Variants in CENPP observed in about 807,000 individuals in gnomAD.
CENPP encodes centromere protein P.
In CENPP, 24 loss-of-function variants were observed where a neutral mutation model predicts 35.6. That is an observed-to-expected ratio of 0.67 (90% CI 0.49 to 0.95). The LOEUF (loss-of-function observed/expected upper bound fraction) is 0.95. Among genes scored for constraint, CENPP ranks in the 40% least tolerant of loss-of-function variants. CENPP has a pLI of 0.00. For synonymous variants in CENPP, 120 were observed against 125.5 expected (o/e 0.96, Z 0.29); for missense variants, 332 against 345.3 (o/e 0.96, Z 0.31).
In CENPP at chr9:92,519,687, ACC is replaced by A. The variant is rs386736315; in HGVS notation, c.565-91626_565-91625del. 2.3e-3 allele frequency among the ~76,000 whole-genome samples: 352 copies of A among 152,314 alleles called. 1 individual carries two copies. Among genetic ancestry groups the A allele is most frequent in the African/African-American group, 8.1e-3 (337 of 41,564 alleles). On this transcript the variant is annotated intron_variant, in intron 5 of 7. Transcript: ENST00000375587. ...AAGACCTAATATATCTTATATTTAG[ACC>A]TTTGCTGTAAATATAAGAGCTAAGA...
intron 5 of CENPP, chr9:92,500,679 T>C (rs751594328): frequency 1.3e-6 from 2 of 1,543,146 alleles, no homozygotes; most frequent in Admixed American, 1.8e-5. Context: ...TTATCATATA[T>C]TTTGCCAACC....
At position 92,402,925 on chromosome 9, in the gene CENPP, G is replaced by A. The variant is rs572663199; in HGVS notation, c.564+23066G>A. On this transcript the variant is annotated intron_variant, in intron 5 of 7. Coordinates refer to ENST00000375587, the MANE Select transcript of CENPP (RefSeq NM_001012267.3). ...AGGCAACACAACATTGCAAGTATAG[G>A]GCATTGTGTAACATTACTTAATATA... Among the ~76,000 whole-genome samples the A allele has an allele frequency of 2.1e-3, 322 of 152,158 alleles. 1 individual carries two copies. Among genetic ancestry groups the A allele is most frequent in the South Asian group, 9.4e-3 (45 of 4,812 alleles).
intron 4 of CENPP, among the ~76,000 whole-genome samples, chr9:92,350,203 C>T (rs962077475): frequency 6.6e-5 from 10 of 152,126 alleles, no homozygotes; most frequent in Non-Finnish European, 1.5e-4. Flanking sequence ...ATTTTTGTTT[C>T]CTGACTACTT....
At chr9:92,606,013 G>C (rs1292363206) in intron 5 of CENPP, among the ~76,000 whole-genome samples, 1 of 152,082 alleles carries the variant, frequency 6.6e-6, no homozygotes, top group Non-Finnish European at 1.5e-5. Flanking sequence ...TGTAATCCCA[G>C]CACTATGAAG....
chr9:92,461,693 C>T (rs1348538368), intron 5 of CENPP, among the ~76,000 whole-genome samples: 1 of 152,184 alleles, frequency 6.6e-6, no homozygotes, highest in Non-Finnish European at 1.5e-5. Context: ...TAGATCCATT[C>T]TGTCATTAGG....
intron 5 of CENPP, among the ~76,000 whole-genome samples, chr9:92,499,819 G>A (rs952361750): frequency 5.3e-5 from 8 of 152,160 alleles, no homozygotes; most frequent in African/African-American, 1.9e-4. Context: ...CTCAGGGACA[G>A]AACAACAAGG....
intron 4 of CENPP, among the ~76,000 whole-genome samples, chr9:92,372,832 G>A (rs200634039): frequency 7.1e-6 from 1 of 140,870 alleles, no homozygotes. Flanking sequence ...TTTTTTTTTT[G>A]ATAGGTGACT....
At chr9:92,587,926 G>C (rs1311461296) in intron 5 of CENPP, among the ~76,000 whole-genome samples, 3 of 152,130 alleles carry the variant, frequency 2.0e-5, no homozygotes. Flanking sequence ...AGGAGTTCAA[G>C]ACCAGACTGG....
intron 5 of CENPP, among the ~76,000 whole-genome samples, chr9:92,551,497 C>T (rs549580854): frequency 6.6e-6 from 1 of 152,198 alleles, no homozygotes; most frequent in East Asian, 1.9e-4. Flanking sequence ...ACCACCACAC[C>T]TGGCTAATTT....
At chr9:92,601,457 A>G (rs1850916198) in intron 5 of CENPP, among the ~76,000 whole-genome samples, 1 of 152,168 alleles carries the variant, frequency 6.6e-6, no homozygotes, top group African/African-American at 2.4e-5. Flanking sequence ...GATTGTGATG[A>G]TACAAAGTGC....
rs755951081 is a variant in CENPP, at chr9:92,466,414, T to C, written c.564+86555T>C. ...TGTGTCCTTTTGTATTTTCTTAACT[T>C]TATTTTCATGAATTCTGAGTTCTGC... is the stretch of plus-strand genomic sequence containing the variant. On this transcript the variant is annotated intron_variant, in intron 5 of 7. Coordinates refer to ENST00000375587, the MANE Select transcript of CENPP (RefSeq NM_001012267.3). 11 of 1,611,596 alleles carry C rather than the reference T, an allele frequency of 6.8e-6. No individual in the cohort carries two copies. In the Admixed American group the frequency reaches 1.8e-4, roughly 27 times the overall value.
intron 5 of CENPP, among the ~76,000 whole-genome samples, chr9:92,425,886 C>T (rs550233003): frequency 6.6e-6 from 1 of 152,066 alleles, no homozygotes; most frequent in Non-Finnish European, 1.5e-5. Context: ...TGTACTTTTT[C>T]AAAAAATTGT....
Position 92,613,250 on chromosome 9 carries a change from T to C in CENPP, c.*101T>C. ...TATTTTCTGCTTAGAAACCACACCC[T>C]GAAGACGTGCTGTCTATGCAGTTAT... On this transcript the variant is annotated 3_prime_UTR_variant, in exon 8 of 8. Transcript: ENST00000375587. The C allele has an allele frequency of 1.4e-6, 2 of 1,398,304 alleles. No individual in the cohort carries two copies. Among genetic ancestry groups the C allele is most frequent in the Non-Finnish European group, 2.0e-6 (2 of 995,314 alleles). 86.6% of individuals were successfully genotyped at this position (1,398,304 alleles called of 1,614,324 possible). A position where few individuals can be genotyped will look rare whatever the true frequency, so the allele number is the denominator to read the frequency against.
intron 5 of CENPP, among the ~76,000 whole-genome samples, chr9:92,406,622 A>G (rs769499705): frequency 6.6e-6 from 1 of 152,198 alleles, no homozygotes; most frequent in Non-Finnish European, 1.5e-5. Context: ...CAGGATCTGC[A>G]TTTGAAGTGC....
intron 3 of CENPP, among the ~76,000 whole-genome samples, chr9:92,343,657 AAAGTT>A (rs1421151304): frequency 3.3e-5 from 5 of 152,232 alleles, no homozygotes; most frequent in African/African-American, 1.2e-4. Context: ...TAAGTTTTAC[AAAGTT>A]AAGCTGGCCA....
intron 5 of CENPP, among the ~76,000 whole-genome samples, chr9:92,442,187 C>A (rs577427939): frequency 1.3e-5 from 2 of 151,950 alleles, no homozygotes; most frequent in Admixed American, 1.3e-4. Flanking sequence ...CTCCTGAGGT[C>A]AGGAGTTCGA....
At chr9:92,443,185 T>C (rs1844465179) in intron 5 of CENPP, among the ~76,000 whole-genome samples, 1 of 152,208 alleles carries the variant, frequency 6.6e-6, no homozygotes, top group Non-Finnish European at 1.5e-5. Flanking sequence ...AAGCAAACTA[T>C]TAGAATTAAT....
At chr9:92,433,978 A>G (rs1844184515) in intron 5 of CENPP, among the ~76,000 whole-genome samples, 1 of 152,160 alleles carries the variant, frequency 6.6e-6, no homozygotes, top group African/African-American at 2.4e-5. Context: ...TTTAAAATAC[A>G]CTTATCTTAT....
At chr9:92,339,005 A>G (rs115574457) in intron 3 of CENPP, among the ~76,000 whole-genome samples, 3 of 152,322 alleles carry the variant, frequency 2.0e-5, no homozygotes, top group African/African-American at 7.2e-5. Context: ...GCTGACTCCA[A>G]GAAAAGTTGA....
Sources: allele counts gnomAD v4.1 joint callset (sites outside exome capture counted in the v4.1 genomes callset), GRCh38; gene constraint gnomAD v4.1.1; transcripts MANE v1.5; gene names NCBI Gene and HGNC (gene_info 2026-07-23, HGNC 2026-07-21).